Variants in ALKBH8 observed in about 807,000 individuals in gnomAD.
ALKBH8 encodes tRNA (carboxymethyluridine(34)-5-O)-methyltransferase ALKBH8.
ALKBH8 carries 36 observed loss-of-function variants against 59.8 expected under a neutral mutation model. The ratio of observed to expected loss-of-function variants is 0.60; its 90% CI spans 0.46 to 0.79. The LOEUF (loss-of-function observed/expected upper bound fraction) is 0.79, where lower values mean the gene tolerates loss of function less well. Among genes scored for constraint, ALKBH8 ranks in the 30% least tolerant of loss-of-function variants. ALKBH8 has a pLI of 0.00. For synonymous variants in ALKBH8, 276 were observed against 273.6 expected (o/e 1.01, Z -0.09); for missense variants, 768 against 801.0 (o/e 0.96, Z 0.50).
chr11:107,540,088 AGAGGCAGAACATCGTTTGCCTCTCTG>A (rs541563360), intron 7 of ALKBH8, among the ~76,000 whole-genome samples: 77 of 152,314 alleles, frequency 5.1e-4, no homozygotes, highest in African/African-American at 1.8e-3. Flanking sequence ...AGAGAAAATG[AGAGGCAGAACATCGTTTGCCTCTCTG>A]GTGTAGAAGC....
intron 1 of ALKBH8, among the ~76,000 whole-genome samples, chr11:107,564,470 C>T (rs1208923473): frequency 2.0e-5 from 3 of 151,992 alleles, no homozygotes; most frequent in Non-Finnish European, 2.9e-5. Flanking sequence ...TTTTAACGTA[C>T]GGCACTGGTA....
rs1862246575 is a variant in ALKBH8, at chr11:107,503,193, A to T, written c.*1465T>A. 1.3e-5 allele frequency: 2 copies of T among 152,196 alleles called. No homozygotes were observed. The highest frequency in any genetic ancestry group is 2.9e-5 in the Non-Finnish European group (2 of 68,030). 9.4% of individuals were successfully genotyped at this position (152,196 alleles called of 1,614,324 possible). ...AAGTACCAGAATTTATATCAGAAATAAAACTATTTTTAGCCCTATATTCCT... is the reference window on the plus strand; with the variant it reads ...AAGTACCAGAATTTATATCAGAAATTAAACTATTTTTAGCCCTATATTCCT... On this transcript the variant is annotated 3_prime_UTR_variant, in exon 12 of 12. Transcript: ENST00000428149.
Position 107,504,725 on chromosome 11 carries a change from C to T in ALKBH8, c.1928G>A (p.Ser643Asn), listed in dbSNP as rs1434079323. Residue 643 changes from serine to asparagine, a missense_variant, in exon 12 of 12, where the codon AGT becomes AAT. Transcript: ENST00000428149. ...GELEGACRTV[S>N]DVRILQSYYD... ...GTAGCTTTGCAGAATTCTGACATCA[C>T]TCACAGTCCTGCAGGCACCTTCCAG... 8 of 1,551,824 alleles carry T rather than the reference C, an allele frequency of 5.2e-6. No homozygotes were observed. In the East Asian group the frequency reaches 2.0e-4, roughly 38 times the overall value.
rs1239855116 is a variant in ALKBH8 at position 107,504,385 on chromosome 11, C to A, written c.*273G>T. On this transcript the variant is annotated 3_prime_UTR_variant, in exon 12 of 12. Transcript: ENST00000428149. Reference sequence around the variant, plus strand: ...TTATCTTCAAAATCCTGGGCTCTTACCCAAGAATTACAAACACTGCACAAA... The same window carrying A: ...TTATCTTCAAAATCCTGGGCTCTTAACCAAGAATTACAAACACTGCACAAA... 2 of 582,454 alleles carry A rather than the reference C, an allele frequency of 3.4e-6. No individual in the cohort carries two copies. Among genetic ancestry groups the A allele is most frequent in the Non-Finnish European group, 6.0e-6 (2 of 332,728 alleles). 36.1% of individuals were successfully genotyped at this position (582,454 alleles called of 1,614,324 possible). A position where few individuals can be genotyped will look rare whatever the true frequency, so the allele number is the denominator to read the frequency against.
intron 7 of ALKBH8, among the ~76,000 whole-genome samples, chr11:107,535,376 G>A (rs964840375): frequency 2.0e-5 from 3 of 152,098 alleles, no homozygotes. Context: ...GACCAATAGT[G>A]TAAAAGTGTT....
Position 107,505,120 on chromosome 11 carries a change from A to G in ALKBH8, c.1533T>C (p.Asn511=), listed in dbSNP as rs1175612766. The G allele has an allele frequency of 6.4e-7, 1 of 1,551,340 alleles. No individual in the cohort carries two copies. The highest frequency in any genetic ancestry group is 8.7e-7 in the Non-Finnish European group (1 of 1,146,942). The part of the protein sequence containing the change: ...IYVWAMEQEY[N]KQKSKYLRGN... Reference sequence around the variant, plus strand: ...CTCTAAGATACTTGGACTTCTGCTTATTATATTCTTGTTCCATTGCCCAGA... The same window carrying G: ...CTCTAAGATACTTGGACTTCTGCTTGTTATATTCTTGTTCCATTGCCCAGA... Residue 511 remains asparagine (N), a synonymous_variant, in exon 12 of 12, where the codon AAT becomes AAC. Transcript: ENST00000428149.
rs779456125 is a variant in ALKBH8, at chr11:107,560,901, T to A, written c.-6-2A>T. The A allele has an allele frequency of 1.6e-5, 25 of 1,603,516 alleles. No individual in the cohort carries two copies. The highest frequency in any genetic ancestry group is 2.0e-5 in the Non-Finnish European group (23 of 1,176,372). Reference sequence around the variant, plus strand: ...TTGATGGTTGCTGTCCATAGCAAACTGTAAAAAAACAAGACAGTAAAAAAG... The same window carrying A: ...TTGATGGTTGCTGTCCATAGCAAACAGTAAAAAAACAAGACAGTAAAAAAG... On this transcript the variant is annotated splice_acceptor_variant, in intron 1 of 11. Coordinates refer to ENST00000428149, the MANE Select transcript of ALKBH8 (RefSeq NM_138775.3). LOFTEE classifies it low-confidence loss of function (5UTR_SPLICE).
At chr11:107,525,653 T>G in intron 8 of ALKBH8, 61 bp from the exon 9 acceptor site, 2 of 1,144,648 alleles carry the variant, frequency 1.7e-6, no homozygotes, top group Non-Finnish European at 2.3e-6. Context: ...TTTCAGGCCT[T>G]TAAAAATGTT....
At chr11:107,547,688 CATAAAA>C (rs1864322564) in intron 7 of ALKBH8, among the ~76,000 whole-genome samples, 1 of 152,058 alleles carries the variant, frequency 6.6e-6, no homozygotes, top group Non-Finnish European at 1.5e-5. Flanking sequence ...TTCAAGTAAT[CATAAAA>C]ATAAACTTCA....
intron 8 of ALKBH8, among the ~76,000 whole-genome samples, chr11:107,530,600 A>AACACACACACACAC (rs66736211): frequency 9.1e-5 from 12 of 132,102 alleles, no homozygotes; most frequent in East Asian, 4.5e-4. Flanking sequence ...CTCTCTTCCT[A>AACACACACACACAC]ACACACACAC....
chr11:107,557,437 T>C (rs1185622036), intron 2 of ALKBH8, among the ~76,000 whole-genome samples: 1 of 152,220 alleles, frequency 6.6e-6, no homozygotes, highest in African/African-American at 2.4e-5. Flanking sequence ...TTGAATTTAT[T>C]TGGGTAATAT....
At chr11:107,548,595 AC>A (rs1228329099) in intron 7 of ALKBH8, among the ~76,000 whole-genome samples, 4 of 152,224 alleles carry the variant, frequency 2.6e-5, no homozygotes, top group Non-Finnish European at 4.4e-5. Context: ...GAATCTACAT[AC>A]ATAGTTAATA....
intron 7 of ALKBH8, among the ~76,000 whole-genome samples, chr11:107,537,963 A>C (rs914606579): frequency 6.6e-6 from 1 of 152,126 alleles, no homozygotes; most frequent in Non-Finnish European, 1.5e-5. Context: ...TGTTTTGAAT[A>C]AGGAGTCTAT....
Position 107,525,455 on chromosome 11 carries a change from G to A in ALKBH8, c.1016C>T (p.Thr339Ile), listed in dbSNP as rs1415860409. 1 of 1,544,938 alleles carries A rather than the reference G, an allele frequency of 6.5e-7. No individual in the cohort carries two copies. The highest frequency in any genetic ancestry group is 2.5e-5 in the East Asian group (1 of 40,212). ...TSFTFRKVRQ[T>I]PCNCSYPLVC... ...TATATACTTACTACAGTTACAAGGT[G>A]TTTGCCTCACTTTCCTAAATGTAAA... Residue 339 changes from threonine to isoleucine, a missense_variant, in exon 9 of 12, where the codon ACA becomes ATA. Transcript: ENST00000428149.
At chr11:107,517,440 G>A (rs370691188) in intron 10 of ALKBH8, among the ~76,000 whole-genome samples, 3 of 152,050 alleles carry the variant, frequency 2.0e-5, no homozygotes, top group African/African-American at 4.8e-5. Context: ...AAATGAAATC[G>A]GTAGGTCAAA....
At chr11:107,524,282 T>G (rs1863258943) in intron 9 of ALKBH8, among the ~76,000 whole-genome samples, 1 of 152,048 alleles carries the variant, frequency 6.6e-6, no homozygotes, top group Non-Finnish European at 1.5e-5. Context: ...CAAGCTGATT[T>G]TGAACTCCTG....
At chr11:107,552,596 T>C (rs1221916787) in intron 5 of ALKBH8, among the ~76,000 whole-genome samples, 1 of 151,868 alleles carries the variant, frequency 6.6e-6, no homozygotes, top group African/African-American at 2.4e-5. Context: ...ACACCACAGG[T>C]TGGGGAATGG....
At chr11:107,509,425 C>T (rs1591243254) in intron 11 of ALKBH8, among the ~76,000 whole-genome samples, 1 of 152,050 alleles carries the variant, frequency 6.6e-6, no homozygotes, top group Admixed American at 6.6e-5. Context: ...ATACAATTTG[C>T]AAATATTTTC....
chr11:107,565,450 C>T lies in ALKBH8; in HGVS notation c.-7+151G>A, dbSNP rs531799350. On this transcript the variant is annotated intron_variant, in intron 1 of 11. Coordinates refer to ENST00000428149, the MANE Select transcript of ALKBH8 (RefSeq NM_138775.3). ...CACCCAACGCAGACACCCTACTGCCCACACTGCACCAAGGGCGCCTCTGGG... is the reference window on the plus strand; with the variant it reads ...CACCCAACGCAGACACCCTACTGCCTACACTGCACCAAGGGCGCCTCTGGG... 4 of 1,051,650 alleles carry T rather than the reference C, an allele frequency of 3.8e-6. No homozygotes were observed. In the African/African-American group the frequency reaches 4.7e-5, roughly 12 times the overall value. 65.1% of individuals were successfully genotyped at this position (1,051,650 alleles called of 1,614,324 possible).
Sources: gnomAD v4.1 joint callset for allele counts (sites outside exome capture counted in the v4.1 genomes callset) on GRCh38, gnomAD v4.1.1 for gene constraint, MANE v1.5 for transcripts, NCBI Gene and HGNC (gene_info 2026-07-23, HGNC 2026-07-21) for gene names.